Variants in NBAS observed in about 807,000 individuals in gnomAD.
NBAS encodes the protein NBAS subunit of NRZ tethering complex, also known as NAG/BC035112 fusion.
A neutral mutation model predicts 302.5 loss-of-function variants in NBAS; 219 were observed. The ratio of observed to expected loss-of-function variants is 0.72; its 90% CI spans 0.65 to 0.81. The LOEUF (loss-of-function observed/expected upper bound fraction) is 0.81. Among genes scored for constraint, NBAS ranks in the 30% least tolerant of loss-of-function variants. NBAS has a pLI of 0.00. For synonymous variants in NBAS, 1,118 were observed against 1,021.6 expected (o/e 1.09, Z -1.80); for missense variants, 2,932 against 2,841.6 (o/e 1.03, Z -0.72).
the NBAS span, among the ~76,000 whole-genome samples, chr2:14,834,955 T>C: frequency 1.8e-4 from 28 of 152,096 alleles, no homozygotes; most frequent in East Asian, 4.1e-3. Flanking sequence ...GTGGAAGTGA[T>C]AACAGATTAC....
intron 7 of NBAS, among the ~76,000 whole-genome samples, chr2:15,537,794 T>C (rs1338736646): frequency 6.6e-6 from 1 of 152,172 alleles, no homozygotes; most frequent in Non-Finnish European, 1.5e-5. Context: ...CCTGTACATG[T>C]AAAAATATTA....
chr2:15,500,456 C>A (rs1186707767), intron 11 of NBAS, among the ~76,000 whole-genome samples: 4 of 151,354 alleles, frequency 2.6e-5, no homozygotes, highest in Admixed American at 1.3e-4. Flanking sequence ...AATCCCCACC[C>A]TCAAGAAGTT....
At chr2:14,796,919 C>CAA in the NBAS span, among the ~76,000 whole-genome samples, 4,329 of 86,400 alleles carry the variant, frequency 0.05, 115 homozygotes, top group Middle Eastern at 0.058. Flanking sequence ...CTAAAAAATA[C>CAA]AAAAAAAAAA....
At position 15,236,178 on chromosome 2, in the gene NBAS, T is replaced by C. The variant is rs991933922; in HGVS notation, c.5944-1431A>G. ...TGAACGGTACTCACAAGTAGCTATA[T>C]GGTACCTTTGCATCATATCTTAGAT... On this transcript the variant is annotated intron_variant, in intron 45 of 51. Transcript: ENST00000281513. Among the ~76,000 whole-genome samples, 6 of 152,268 alleles carry C rather than the reference T, an allele frequency of 3.9e-5. No homozygotes were observed. The East Asian group carries it at 5.8e-4, about 15-fold the overall frequency.
the NBAS span, among the ~76,000 whole-genome samples, chr2:14,916,835 G>A: frequency 6.6e-6 from 1 of 152,208 alleles, no homozygotes; most frequent in Non-Finnish European, 1.5e-5. Flanking sequence ...AAAGCAGACA[G>A]TGGATCACAT....
At chr2:15,293,433 G>T (rs1446224481) in intron 40 of NBAS, among the ~76,000 whole-genome samples, 1 of 152,058 alleles carries the variant, frequency 6.6e-6, no homozygotes, top group African/African-American at 2.4e-5. Flanking sequence ...CATTCAAATA[G>T]AACACAACCT....
chr2:15,234,074 T>C (rs1018993449), intron 46 of NBAS, among the ~76,000 whole-genome samples: 7 of 152,206 alleles, frequency 4.6e-5, no homozygotes, highest in African/African-American at 7.2e-5. Context: ...TAATTGCAGG[T>C]AAATAATGTC....
At chr2:15,555,978 C>A (rs937454646) in intron 3 of NBAS, among the ~76,000 whole-genome samples, 3 of 152,134 alleles carry the variant, frequency 2.0e-5, no homozygotes, top group South Asian at 2.1e-4. Flanking sequence ...CTCCTATCCT[C>A]TCCTTCCACT....
the NBAS span, among the ~76,000 whole-genome samples, chr2:15,122,825 C>G: frequency 6.6e-6 from 1 of 152,210 alleles, no homozygotes; most frequent in African/African-American, 2.4e-5. Context: ...CAGCCTCCCA[C>G]CAGAGTAGCC....
intron 48 of NBAS, among the ~76,000 whole-genome samples, chr2:15,217,662 G>A (rs1242278007): frequency 2.0e-5 from 3 of 152,218 alleles, no homozygotes; most frequent in Non-Finnish European, 4.4e-5. Context: ...TAAGGTTCCC[G>A]ACTCCTGGAC....
At chr2:15,438,651 G>T (rs1236676685) in intron 21 of NBAS, among the ~76,000 whole-genome samples, 1 of 152,228 alleles carries the variant, frequency 6.6e-6, no homozygotes, top group Non-Finnish European at 1.5e-5. Flanking sequence ...AGCATAAAAA[G>T]GGAACTCTAA....
the NBAS span, among the ~76,000 whole-genome samples, chr2:14,785,185 G>A: frequency 6.6e-6 from 1 of 152,184 alleles, no homozygotes; most frequent in Non-Finnish European, 1.5e-5. Flanking sequence ...CTGAGACTTT[G>A]CTGAAGGTGC....
Position 15,396,891 on chromosome 2 carries a change from C to T in NBAS, c.3072-416G>A, listed in dbSNP as rs187896225. ...CTATCTACACAACTTAGGACCCCTC[C>T]TCTCCAGGAAGTTTCCATTAGGATT... On this transcript the variant is annotated intron_variant, in intron 26 of 51. Coordinates refer to ENST00000281513, the MANE Select transcript of NBAS (RefSeq NM_015909.4). Among the ~76,000 whole-genome samples, 419 of 152,338 alleles carry T rather than the reference C, an allele frequency of 2.8e-3. 2 individuals carry two copies. The highest frequency in any genetic ancestry group is 9.7e-3 in the African/African-American group (405 of 41,586).
the NBAS span, among the ~76,000 whole-genome samples, chr2:15,062,125 T>C: frequency 6.6e-6 from 1 of 152,168 alleles, no homozygotes; most frequent in Non-Finnish European, 1.5e-5. Flanking sequence ...ATTAATAAGA[T>C]AGGTCCTTCC....
chr2:15,316,088 G>T (rs1671495564), intron 38 of NBAS, among the ~76,000 whole-genome samples: 1 of 152,148 alleles, frequency 6.6e-6, no homozygotes, highest in South Asian at 2.1e-4. Context: ...CATGGACGTT[G>T]CCATTAAACA....
intron 9 of NBAS, among the ~76,000 whole-genome samples, chr2:15,514,496 A>C (rs1662294961): frequency 6.6e-6 from 1 of 152,168 alleles, no homozygotes; most frequent in African/African-American, 2.4e-5. Flanking sequence ...ACCTCTATTG[A>C]ACCTCTATTT....
At chr2:14,898,370 T>C in the NBAS span, among the ~76,000 whole-genome samples, 3 of 152,224 alleles carry the variant, frequency 2.0e-5, no homozygotes, top group Admixed American at 6.5e-5. Flanking sequence ...CTAGTCATTA[T>C]GAAATGGACC....
the NBAS span, among the ~76,000 whole-genome samples, chr2:15,103,566 G>A: frequency 6.6e-6 from 1 of 152,136 alleles, no homozygotes; most frequent in East Asian, 1.9e-4. Flanking sequence ...AGTTTTTTGG[G>A]AAGATGGACC....
chr2:15,461,992 A>AT (rs1679526956), intron 19 of NBAS, among the ~76,000 whole-genome samples: 3 of 152,200 alleles, frequency 2.0e-5, no homozygotes, highest in South Asian at 4.1e-4. Flanking sequence ...AATAAATGTT[A>AT]TTTTTTTAAT....
Sources: gnomAD v4.1 joint callset for allele counts (sites outside exome capture counted in the v4.1 genomes callset) on GRCh38, gnomAD v4.1.1 for gene constraint, MANE v1.5 for transcripts, NCBI Gene and HGNC (gene_info 2026-07-23, HGNC 2026-07-21) for gene names.